Variants in UBE2H observed in about 807,000 individuals in gnomAD.
UBE2H encodes ubiquitin conjugating enzyme E2 H.
In UBE2H, 3 loss-of-function variants were observed where a neutral mutation model predicts 29.0. That is an observed-to-expected ratio of 0.10 (90% CI 0.05 to 0.27). The LOEUF is 0.27. Among genes scored for constraint, UBE2H ranks in the 10% least tolerant of loss-of-function variants. The probability of loss-of-function intolerance (pLI) is 1.00; values close to 1 mark genes in which losing one functional copy is unlikely to be tolerated. For synonymous variants in UBE2H, 69 were observed against 82.9 expected (o/e 0.83, Z 0.91); for missense variants, 68 against 228.2 (o/e 0.30, Z 4.52).
intron 1 of UBE2H, among the ~76,000 whole-genome samples, chr7:129,900,782 A>G (rs1472978368): frequency 4.3e-5 from 6 of 138,244 alleles, no homozygotes; most frequent in Non-Finnish European, 9.2e-5. Context: ...ACAGAGTCTC[A>G]CTCTGTCACC....
chr7:129,879,761 G>A (rs1401666094), intron 2 of UBE2H, 119 bp from the exon 3 acceptor site: 5 of 870,358 alleles, frequency 5.7e-6, no homozygotes, highest in Non-Finnish European at 7.2e-6. Context: ...ATTCCTTCAA[G>A]AGTCAGGGAC....
intron 3 of UBE2H, among the ~76,000 whole-genome samples, chr7:129,864,222 GC>G (rs1805854041): frequency 6.6e-6 from 1 of 152,214 alleles, no homozygotes; most frequent in South Asian, 2.1e-4. Flanking sequence ...GGATAATGAT[GC>G]CAACAATGGA....
intron 3 of UBE2H, among the ~76,000 whole-genome samples, chr7:129,877,843 A>G (rs955586511): frequency 2.0e-5 from 3 of 152,160 alleles, no homozygotes; most frequent in Admixed American, 6.5e-5. Flanking sequence ...GAGAAATAAC[A>G]TTTCTACAGG....
rs748391223 is a variant in UBE2H at position 129,847,006 on chromosome 7, A to AATT, written c.299-7674_299-7672dup. On this transcript the variant is annotated intron_variant, in intron 5 of 6. Transcript: ENST00000355621. ...TTACCCCGGGAAGCCGTCATCCTAT[A>AATT]ATTATTATTATTATTATTATTATTA... 6.7e-3 allele frequency among the ~76,000 whole-genome samples: 992 copies of AATT among 148,664 alleles called. 8 individuals carry two copies. Among genetic ancestry groups the AATT allele is most frequent in the Non-Finnish European group, 8.7e-3 (585 of 67,270 alleles).
chr7:129,863,264 C>T (rs1805835186), intron 3 of UBE2H, among the ~76,000 whole-genome samples: 1 of 152,132 alleles, frequency 6.6e-6, no homozygotes, highest in African/African-American at 2.4e-5. Context: ...TCTCCAGTGC[C>T]CCTGCTAAGT....
At chr7:129,948,080 G>A (rs1462834226) in intron 1 of UBE2H, among the ~76,000 whole-genome samples, 1 of 151,814 alleles carries the variant, frequency 6.6e-6, no homozygotes, top group Non-Finnish European at 1.5e-5. Context: ...GGCTTGTCCC[G>A]AACTCCTGAC....
At chr7:129,938,239 T>C (rs1159016538) in intron 1 of UBE2H, among the ~76,000 whole-genome samples, 2 of 151,470 alleles carry the variant, frequency 1.3e-5, no homozygotes, top group African/African-American at 4.9e-5. Context: ...GGCAAAACCC[T>C]GTCTCTACAA....
intron 1 of UBE2H, among the ~76,000 whole-genome samples, chr7:129,931,869 T>C (rs1245038516): frequency 6.8e-6 from 1 of 146,876 alleles, no homozygotes; most frequent in African/African-American, 2.5e-5. Context: ...GGAGTCCAGC[T>C]CTGTCACCCA....
chr7:129,868,384 T>A (rs1323152448), intron 3 of UBE2H, among the ~76,000 whole-genome samples: 1 of 151,300 alleles, frequency 6.6e-6, no homozygotes, highest in Non-Finnish European at 1.5e-5. Context: ...ATCGAGACCA[T>A]CCTGGCTAAC....
intron 1 of UBE2H, among the ~76,000 whole-genome samples, chr7:129,938,675 C>T (rs1366017979): frequency 3.3e-5 from 5 of 149,950 alleles, no homozygotes; most frequent in Non-Finnish European, 7.4e-5. Context: ...CATTGCACTC[C>T]AGCCTGGGCG....
At chr7:129,932,253 A>G (rs1807421603) in intron 1 of UBE2H, among the ~76,000 whole-genome samples, 1 of 150,686 alleles carries the variant, frequency 6.6e-6, no homozygotes, top group South Asian at 2.1e-4. Context: ...CCCCCTGAGT[A>G]GCTGGGACTA....
chr7:129,934,630 T>G (rs1405861411), intron 1 of UBE2H, among the ~76,000 whole-genome samples: 1 of 107,654 alleles, frequency 9.3e-6, no homozygotes, highest in Non-Finnish European at 1.7e-5. Context: ...AGAGCAAGAC[T>G]CCGTCTTTAA....
chr7:129,881,173 G>T (rs1347953152), intron 1 of UBE2H, among the ~76,000 whole-genome samples: 1 of 152,144 alleles, frequency 6.6e-6, no homozygotes, highest in African/African-American at 2.4e-5. Context: ...TTCAGAGACG[G>T]CCGTTCAAAT....
intron 1 of UBE2H, among the ~76,000 whole-genome samples, chr7:129,904,688 C>G (rs531362118): frequency 6.6e-6 from 1 of 152,242 alleles, no homozygotes; most frequent in South Asian, 2.1e-4. Flanking sequence ...TCAACAGAAA[C>G]TGGTTAAATG....
intron 1 of UBE2H, among the ~76,000 whole-genome samples, chr7:129,915,533 C>CA (rs903053384): frequency 2.6e-5 from 4 of 151,896 alleles, no homozygotes; most frequent in African/African-American, 9.7e-5. Flanking sequence ...GACTCTGTCT[C>CA]AAAAAAATAA....
chr7:129,874,098 T>A (rs1042649246), intron 3 of UBE2H, among the ~76,000 whole-genome samples: 1 of 152,168 alleles, frequency 6.6e-6, no homozygotes, highest in African/African-American at 2.4e-5. Flanking sequence ...ATTCTATAGT[T>A]CTATCTGAAA....
At chr7:129,845,493 C>T (rs1805496579) in intron 5 of UBE2H, among the ~76,000 whole-genome samples, 1 of 152,184 alleles carries the variant, frequency 6.6e-6, no homozygotes, top group Non-Finnish European at 1.5e-5. Context: ...TGACCCTTCC[C>T]ACTTTCTTTT....
intron 1 of UBE2H, among the ~76,000 whole-genome samples, chr7:129,919,100 T>TAAAAAAAAAAAAAAAAAAAAAGAA (rs1807103865): frequency 1.4e-5 from 1 of 72,168 alleles, no homozygotes; most frequent in Non-Finnish European, 2.5e-5. Context: ...AAAAACAAAG[T>TAAAAAAAAAAAAAAAAAAAAAGAA]AAAAAAAAAA....
chr7:129,951,288 T>C (rs961085466), intron 1 of UBE2H: 4 of 152,140 alleles, frequency 2.6e-5, no homozygotes, highest in African/African-American at 4.8e-5. Context: ...CTGAAGAATT[T>C]AGCCAAACAA....
Sources: allele counts gnomAD v4.1 joint callset (sites outside exome capture counted in the v4.1 genomes callset), GRCh38; gene constraint gnomAD v4.1.1; transcripts MANE v1.5; gene names NCBI Gene and HGNC (gene_info 2026-07-23, HGNC 2026-07-21).